The following TOGARAM2 variants were observed in gnomAD, a reference collection of about 807,000 sequenced individuals.
TOGARAM2 encodes TOG array regulator of axonemal microtubules 2.
TOGARAM2 carries 85 observed loss-of-function variants against 93.3 expected under a neutral mutation model. The ratio of observed to expected loss-of-function variants is 0.91; its 90% CI spans 0.76 to 1.09. TOGARAM2 has a LOEUF of 1.09. Among genes scored for constraint, TOGARAM2 ranks in the 50% least tolerant of loss-of-function variants. The pLI is 0.00. For synonymous variants in TOGARAM2, 593 were observed against 552.8 expected (o/e 1.07, Z -1.02); for missense variants, 1,277 against 1,334.5 (o/e 0.96, Z 0.67).
intron 1 of TOGARAM2, among the ~76,000 whole-genome samples, chr2:28,987,897 CCT>C (rs1005704846): frequency 2.0e-5 from 3 of 152,218 alleles, no homozygotes; most frequent in African/African-American, 7.2e-5. Flanking sequence ...GAGTCAGGGG[CCT>C]GAGTGGCGGG....
intron 2 of TOGARAM2, 49 bp downstream of exon 2, chr2:28,994,911 G>A (rs1430404898): frequency 1.3e-6 from 2 of 1,548,020 alleles, no homozygotes; most frequent in Non-Finnish European, 1.7e-6. Flanking sequence ...CAGGCTAGGG[G>A]ACCTGCCTCG....
chr2:29,002,523 C>G lies in TOGARAM2; in HGVS notation c.428-13C>G. ...CTGGGACTAACTGATTTCCCATCCC[C>G]ATCCCTGTACAGCCTCTCTGGATCC... On this transcript the variant is annotated splice_polypyrimidine_tract_variant and intron_variant, in intron 4 of 19. Transcript: ENST00000379558. 1 of 1,608,780 alleles carries G rather than the reference C, an allele frequency of 6.2e-7. No individual in the cohort carries two copies. The highest frequency in any genetic ancestry group is 8.5e-7 in the Non-Finnish European group (1 of 1,176,812).
chr2:29,042,771 G>C (rs891528949), intron 18 of TOGARAM2, among the ~76,000 whole-genome samples: 5 of 152,210 alleles, frequency 3.3e-5, no homozygotes, highest in African/African-American at 1.2e-4. Flanking sequence ...CTCTCTTACA[G>C]GGGGCAGTAG....
rs771475670 is a variant in TOGARAM2 at position 29,017,314 on chromosome 2, G to A, written c.1195+10G>A. 16 of 1,584,430 alleles carry A rather than the reference G, an allele frequency of 1.0e-5. No homozygotes were observed. In the South Asian group the frequency reaches 1.8e-4, roughly 18 times the overall value. On this transcript the variant is annotated intron_variant, in intron 9 of 19. Transcript: ENST00000379558. ...GCCTTCATGAAGGAAGGTACTGGGT[G>A]CCTGGTGTGGGATTTGCTCAGGCCT...
At chr2:29,011,825 G>T (rs1194251903) in intron 7 of TOGARAM2, among the ~76,000 whole-genome samples, 2 of 152,220 alleles carry the variant, frequency 1.3e-5, no homozygotes, top group Non-Finnish European at 2.9e-5. Context: ...GCACACGAAG[G>T]CTCTGTGAGC....
intron 1 of TOGARAM2, among the ~76,000 whole-genome samples, chr2:28,960,504 G>A (rs1671788423): frequency 6.6e-6 from 1 of 152,134 alleles, no homozygotes; most frequent in South Asian, 2.1e-4. Context: ...CACTGGGTTT[G>A]TTTGTCAAGT....
intron 8 of TOGARAM2, among the ~76,000 whole-genome samples, chr2:29,015,198 T>TA (rs1664488034): frequency 2.0e-5 from 3 of 148,104 alleles, no homozygotes; most frequent in Non-Finnish European, 4.5e-5. Context: ...GGGTGACTGT[T>TA]AAATCAGCAC....
At chr2:29,049,782 C>T (rs1274428838) in intron 19 of TOGARAM2, 2 of 152,214 alleles carry the variant, frequency 1.3e-5, no homozygotes, top group African/African-American at 4.8e-5. Context: ...AAGGTGCAGT[C>T]CTGCCCTTCC....
intron 6 of TOGARAM2, among the ~76,000 whole-genome samples, chr2:29,006,310 C>T (rs1663834895): frequency 7.6e-6 from 1 of 131,786 alleles, no homozygotes; most frequent in African/African-American, 3.0e-5. Flanking sequence ...TGTGTGAGTG[C>T]CTGTGTGTGG....
At chr2:29,005,563 G>T (rs1404427927) in intron 6 of TOGARAM2, among the ~76,000 whole-genome samples, 6 of 148,888 alleles carry the variant, frequency 4.0e-5, no homozygotes, top group Non-Finnish European at 8.9e-5. Context: ...TGTGGAGTGT[G>T]TGTGCATGTG....
At chr2:28,961,705 T>C (rs148391951) in intron 1 of TOGARAM2, among the ~76,000 whole-genome samples, 10 of 152,332 alleles carry the variant, frequency 6.6e-5, no homozygotes, top group Non-Finnish European at 1.2e-4. Flanking sequence ...TCAACAAATG[T>C]CTACACCTGT....
At chr2:29,045,160 A>G (rs1572792717) in intron 18 of TOGARAM2, among the ~76,000 whole-genome samples, 164 bp from the exon 19 acceptor site, 1 of 152,226 alleles carries the variant, frequency 6.6e-6, no homozygotes, top group African/African-American at 2.4e-5. Flanking sequence ...AACACGCTAC[A>G]TACATTCACT....
chr2:28,986,450 G>A (rs945796613), intron 1 of TOGARAM2, among the ~76,000 whole-genome samples: 1 of 152,188 alleles, frequency 6.6e-6, no homozygotes, highest in South Asian at 2.1e-4. Context: ...GTTGGGAAGT[G>A]CTGCTTTGGG....
chr2:28,998,089 A>G (rs1673085010), intron 2 of TOGARAM2, 54 bp from the exon 3 acceptor site: 2 of 1,268,066 alleles, frequency 1.6e-6, no homozygotes, highest in Non-Finnish European at 2.2e-6. Flanking sequence ...GTTTGCTCCC[A>G]GTCTTGGCCT....
intron 6 of TOGARAM2, among the ~76,000 whole-genome samples, chr2:29,006,346 GTA>G (rs145185486): frequency 0.076 from 11,066 of 145,688 alleles, 470 homozygotes; most frequent in African/African-American, 0.12. Flanking sequence ...GTGTATGTGT[GTA>G]TGTGTGAGTG....
intron 4 of TOGARAM2, among the ~76,000 whole-genome samples, chr2:29,001,834 G>T (rs538395793): frequency 3.3e-5 from 5 of 150,528 alleles, no homozygotes; most frequent in African/African-American, 1.2e-4. Context: ...GTTGAGGCCA[G>T]AATGAAAGTT....
chr2:29,005,434 CGT>C (rs1673674237), intron 6 of TOGARAM2, among the ~76,000 whole-genome samples: 1 of 120,380 alleles, frequency 8.3e-6, no homozygotes, highest in Non-Finnish European at 1.7e-5. Flanking sequence ...CATGCATGTG[CGT>C]GAGTGCATGT....
chr2:29,043,127 A>G (rs191229267), intron 18 of TOGARAM2, among the ~76,000 whole-genome samples: 71 of 152,346 alleles, frequency 4.7e-4, no homozygotes, highest in Admixed American at 2.3e-3. Flanking sequence ...TGCCATTCAT[A>G]TGAAAATCTA....
rs903229115 is a variant in TOGARAM2, at chr2:28,982,871, C to T, written c.-111+1333C>T. On this transcript the variant is annotated intron_variant, in intron 1 of 19. Coordinates refer to ENST00000379558, the MANE Select transcript of TOGARAM2 (RefSeq NM_199280.4). ...CTGGCCGCCTCCCAGAACCCACCCCCGTGGGCCCTGTCCTTATCACAGCTG... is the reference window on the plus strand; with the variant it reads ...CTGGCCGCCTCCCAGAACCCACCCCTGTGGGCCCTGTCCTTATCACAGCTG... Among the ~76,000 whole-genome samples the T allele has an allele frequency of 6.6e-5, 10 of 152,272 alleles. No homozygotes were observed. In the East Asian group the frequency reaches 1.5e-3, roughly 24 times the overall value.
Sources: allele counts gnomAD v4.1 joint callset (sites outside exome capture counted in the v4.1 genomes callset), GRCh38; gene constraint gnomAD v4.1.1; transcripts MANE v1.5; gene names NCBI Gene and HGNC (gene_info 2026-07-23, HGNC 2026-07-21).